The following ARL17B variants were observed in gnomAD, a reference collection of about 807,000 sequenced individuals.
The protein encoded by ARL17B is ARF like GTPase 17B, also known as ADP-ribosylation factor-like protein 17.
downstream of ARL17B, among the ~76,000 whole-genome samples, chr17:46,332,271 T>C (rs545803844): frequency 3.6e-5 from 2 of 54,828 alleles, no homozygotes; most frequent in African/African-American, 2.1e-4. Context: ...TTGGCCAACA[T>C]AGTGAAAGCC....
intron 3 of ARL17B, chr17:46,310,352 CT>C (rs2050727208): frequency 7.9e-6 from 1 of 126,152 alleles, no homozygotes; most frequent in African/African-American, 2.7e-5. Flanking sequence ...GGCAGAACCA[CT>C]TACAAGCTTT....
intron 3 of ARL17B, among the ~76,000 whole-genome samples, chr17:46,352,282 TA>T (rs138163080): frequency 0.35 from 15,919 of 45,450 alleles, 3,028 homozygotes; most frequent in South Asian, 0.6. Context: ...AACGCAACAG[TA>T]AAAAAAAAAA....
intron 4 of ARL17B, among the ~76,000 whole-genome samples, chr17:46,275,882 G>A (rs1394658880): frequency 1.3e-5 from 2 of 151,474 alleles, no homozygotes; most frequent in African/African-American, 2.4e-5. Flanking sequence ...GTTTCACACA[G>A]TTTTATTCAC....
intron 3 of ARL17B, among the ~76,000 whole-genome samples, chr17:46,342,632 A>ATTTTTT (rs748174381): frequency 1.8e-5 from 1 of 56,280 alleles, no homozygotes; most frequent in Non-Finnish European, 2.8e-5. Context: ...CTTAAGGACA[A>ATTTTTT]TTTTTTTTTT....
Position 46,336,301 on chromosome 17 carries a change from A to G in ARL17B, c.*3199T>C, listed in dbSNP as rs2144153820. ...ATGCAAACCTCACAGAATTTTAACC[A>G]GAAAGGCCAGGCAGGATGGCTCACG... On this transcript the variant is annotated 3_prime_UTR_variant, in exon 4 of 4. Transcript: ENST00000450673. 5.4e-5 allele frequency among the ~76,000 whole-genome samples: 1 copy of G among 18,632 alleles called. No homozygotes were observed. Among genetic ancestry groups the G allele is most frequent in the African/African-American group, 8.5e-5 (1 of 11,798 alleles). The allele number at this position is 18,632 out of a possible 152,430, so 12.2% of individuals were successfully genotyped here. A position where few individuals can be genotyped will look rare whatever the true frequency, so the allele number is the denominator to read the frequency against.
chr17:46,290,560 C>T (rs900419141), intron 4 of ARL17B, among the ~76,000 whole-genome samples: 2 of 152,192 alleles, frequency 1.3e-5, no homozygotes, highest in African/African-American at 4.8e-5. Flanking sequence ...GATTCTCCTC[C>T]CTCAGCCTCC....
downstream of ARL17B, among the ~76,000 whole-genome samples, chr17:46,332,997 C>A (rs555426202): frequency 8.1e-5 from 12 of 148,210 alleles, no homozygotes; most frequent in East Asian, 2.4e-3. Context: ...TAATTTATTT[C>A]CTTGTTGCTG....
intron 4 of ARL17B, among the ~76,000 whole-genome samples, chr17:46,287,448 A>C (rs1421280588): frequency 6.6e-6 from 1 of 152,288 alleles, no homozygotes; most frequent in African/African-American, 2.4e-5. Context: ...AACACCAAGT[A>C]GAAGTTACAC....
chr17:46,279,488 T>A (rs1210556147), intron 4 of ARL17B, among the ~76,000 whole-genome samples: 1 of 148,054 alleles, frequency 6.8e-6, no homozygotes, highest in African/African-American at 2.5e-5. Flanking sequence ...CTGGCCTTTT[T>A]TTTCTTTCTT....
At chr17:46,285,653 C>G (rs189722191) in intron 4 of ARL17B, among the ~76,000 whole-genome samples, 26 of 152,284 alleles carry the variant, frequency 1.7e-4, no homozygotes, top group Admixed American at 9.8e-4. Flanking sequence ...AGAAGTGAGT[C>G]ACGTTAGATT....
chr17:46,277,659 T>TCTTTC (rs1567849397), intron 4 of ARL17B, among the ~76,000 whole-genome samples: 1 of 151,558 alleles, frequency 6.6e-6, no homozygotes, highest in Non-Finnish European at 1.5e-5. Flanking sequence ...CTTTCTTTTT[T>TCTTTC]TTTTTTTGAG....
At chr17:46,344,402 C>A (rs1380609618) in intron 3 of ARL17B, among the ~76,000 whole-genome samples, 52 of 145,152 alleles carry the variant, frequency 3.6e-4, no homozygotes, top group Middle Eastern at 3.6e-3. Context: ...ACTGGCAGCA[C>A]AGGCAACTGT....
At chr17:46,276,109 G>A (rs1004859759) in intron 4 of ARL17B, among the ~76,000 whole-genome samples, 6 of 152,070 alleles carry the variant, frequency 3.9e-5, no homozygotes, top group East Asian at 1.9e-4. Flanking sequence ...CAGGCTGGTC[G>A]CAAACTCCTG....
chr17:46,275,251 G>T, exon 5 of ARL17B: 1 of 478,080 alleles, frequency 2.1e-6, no homozygotes, highest in Non-Finnish European at 3.5e-6. Context: ...GGACTGTTAT[G>T]ACCAATAAAA....
At chr17:46,344,199 A>AGTGAG (rs2052610039) in intron 3 of ARL17B, among the ~76,000 whole-genome samples, 1 of 126,344 alleles carries the variant, frequency 7.9e-6, no homozygotes, top group African/African-American at 3.5e-5. Context: ...TGGACAACAG[A>AGTGAG]GTGAGGCCCT....
intron 4 of ARL17B, among the ~76,000 whole-genome samples, chr17:46,289,639 C>T (rs1310070353): frequency 6.6e-6 from 1 of 152,152 alleles, no homozygotes; most frequent in African/African-American, 2.4e-5. Flanking sequence ...TGTGCCCAGC[C>T]AAAATCTGAC....
Position 46,276,356 on chromosome 17 carries a change from A to AT in ARL17B, c.*22-939dup, listed in dbSNP as rs572633630. ...TTGTTTCACGTGGCTGCTAGAATAA[A>AT]TTTTTTACCACTATACATCGTTAAC... On this transcript the variant is annotated intron_variant, in intron 4 of 4. Transcript: ENST00000570618. 1.6e-3 allele frequency among the ~76,000 whole-genome samples: 247 copies of AT among 152,374 alleles called. 2 individuals carry two copies. The highest frequency in any genetic ancestry group is 5.7e-3 in the African/African-American group (238 of 41,574).
At chr17:46,283,011 C>T (rs563456207) in intron 4 of ARL17B, among the ~76,000 whole-genome samples, 6 of 151,996 alleles carry the variant, frequency 3.9e-5, no homozygotes, top group Non-Finnish European at 7.4e-5. Context: ...CCCAACTACG[C>T]GGGAGGCTGA....
chr17:46,286,480 C>G (rs1395672529), intron 4 of ARL17B, among the ~76,000 whole-genome samples: 1 of 152,182 alleles, frequency 6.6e-6, no homozygotes, highest in East Asian at 1.9e-4. Flanking sequence ...TAATAAAGCA[C>G]CATTTCAAAC....
Sources: allele counts gnomAD v4.1 joint callset (sites outside exome capture counted in the v4.1 genomes callset), GRCh38; gene constraint gnomAD v4.1.1; transcripts MANE v1.5; gene names NCBI Gene and HGNC (gene_info 2026-07-23, HGNC 2026-07-21).